TNFSF10: variants seen among roughly 807,000 people sequenced by gnomAD.
TNFSF10 encodes TNF superfamily member 10, also known as tumor necrosis factor ligand superfamily member 10.
In TNFSF10, 13 loss-of-function variants were observed where a neutral mutation model predicts 29.5. That is an observed-to-expected ratio of 0.44 (90% CI 0.29 to 0.70). The LOEUF (loss-of-function observed/expected upper bound fraction) is 0.70, where lower values mean the gene tolerates loss of function less well. Ranked by LOEUF, TNFSF10 falls within the 30% of genes least tolerant of loss-of-function variation. TNFSF10 has a pLI of 0.13. For missense variants in TNFSF10, 345 were observed against 330.9 expected (o/e 1.04, Z -0.33); for synonymous variants, 111 against 112.8 (o/e 0.98, Z 0.10).
intron 1 of TNFSF10, chr3:172,518,245 C>T: frequency 1.0e-5 from 12 of 1,144,372 alleles, no homozygotes; most frequent in Non-Finnish European, 1.3e-5. Context: ...GCACTGGGTG[C>T]CTGTTCTTCA....
chr3:172,517,236 A>T (rs231985), intron 1 of TNFSF10: 621,618 of 719,698 alleles, frequency 0.86, 269,117 homozygotes, highest in East Asian at 1. Context: ...GAGTTTGACA[A>T]GGATGGTCGT....
intron 4 of TNFSF10, chr3:172,507,517 A>C (rs1229552021): frequency 1.3e-5 from 2 of 152,242 alleles, no homozygotes; most frequent in Non-Finnish European, 1.5e-5. Context: ...CAGATCCTTG[A>C]ATCTTTCACA....
chr3:172,517,455 A>C (rs1043454541), intron 1 of TNFSF10: 1 of 984,372 alleles, frequency 1.0e-6, no homozygotes, highest in African/African-American at 1.8e-5. Context: ...GCCTGGATAC[A>C]TTCAGGATAC....
In TNFSF10 at chr3:172,523,272, A is replaced by G; in HGVS notation, c.113T>C (p.Phe38Ser). The G allele has an allele frequency of 3.1e-6, 5 of 1,613,866 alleles. No individual in the cohort carries two copies. The highest frequency in any genetic ancestry group is 4.2e-6 in the Non-Finnish European group (5 of 1,179,790). ...ACTGACCTGCTTCAGCTCGTTGGTA[A>G]AGTACACGTAAGTTACAGCCACACA... ...SLCVAVTYVY[F>S]TNELKQMQDK... Residue 38 changes from phenylalanine (F) to serine (S), a missense_variant, in exon 1 of 5, where the codon TTT becomes TCT. Transcript: ENST00000241261.
At chr3:172,521,699 T>C (rs146237342) in intron 1 of TNFSF10, among the ~76,000 whole-genome samples, 3 of 152,356 alleles carry the variant, frequency 2.0e-5, no homozygotes, top group African/African-American at 7.2e-5. Context: ...ACTGGGTATA[T>C]ACCCAAAGGA....
rs1131542 is a variant in TNFSF10 at position 172,506,136 on chromosome 3, T to G, written c.*356A>C. The G allele has an allele frequency of 0.69, 128,346 of 186,856 alleles. 44,728 individuals carry two copies. Among genetic ancestry groups the G allele is most frequent in the Middle Eastern group, 0.78 (315 of 404 alleles). The allele number at this position is 186,856 out of a possible 1,614,324, so 11.6% of individuals were successfully genotyped here. ...CACTACTTGAGAGATGGATTGTTGC[T>G]CTTTCTTCTACAGTCTTTACAAGGA... On this transcript the variant is annotated 3_prime_UTR_variant, in exon 5 of 5. Coordinates refer to ENST00000241261, the MANE Select transcript of TNFSF10 (RefSeq NM_003810.4).
chr3:172,509,028 T>C, intron 4 of TNFSF10, 189 bp downstream of exon 4: 1 of 399,964 alleles, frequency 2.5e-6, no homozygotes, highest in Non-Finnish European at 4.4e-6. Flanking sequence ...GCCAGTTATG[T>C]CGTGGCAATA....
rs1424286946 is a variant in TNFSF10 at position 172,510,468 on chromosome 3, T to C, written c.314-1147A>G. On this transcript the variant is annotated intron_variant, in intron 3 of 4. Transcript: ENST00000241261. ...GTTAAGGTCATTTCAAGGATATGGATAGGAAAGCCTAGATTTGAAAGCAAA... is the reference window on the plus strand; with the variant it reads ...GTTAAGGTCATTTCAAGGATATGGACAGGAAAGCCTAGATTTGAAAGCAAA... 2.0e-5 allele frequency among the ~76,000 whole-genome samples: 3 copies of C among 152,072 alleles called. No individual in the cohort carries two copies. In the East Asian group the frequency reaches 5.8e-4, roughly 29 times the overall value.
At chr3:172,516,286 G>C (rs1350707147) in intron 1 of TNFSF10, among the ~76,000 whole-genome samples, 1 of 151,046 alleles carries the variant, frequency 6.6e-6, no homozygotes. Context: ...AAAATCTGCT[G>C]AATTGACTAC....
chr3:172,519,697 G>A (rs1248396724), intron 1 of TNFSF10, among the ~76,000 whole-genome samples: 1 of 152,154 alleles, frequency 6.6e-6, no homozygotes, highest in Non-Finnish European at 1.5e-5. Context: ...TAAAACAAGA[G>A]TCTGCCTCAT....
At chr3:172,512,265 C>A (rs1474616699) in intron 2 of TNFSF10, among the ~76,000 whole-genome samples, 2 of 152,174 alleles carry the variant, frequency 1.3e-5, no homozygotes, top group Non-Finnish European at 2.9e-5. Context: ...TTACCATCTT[C>A]CCATATCTTT....
intron 3 of TNFSF10, chr3:172,511,320 C>A (rs541082190): frequency 1.0e-4 from 26 of 252,500 alleles, no homozygotes; most frequent in Middle Eastern, 2.7e-3. Flanking sequence ...CTTTGTAACA[C>A]ATTAGAAGGT....
intron 1 of TNFSF10, chr3:172,517,530 A>T: frequency 1.0e-6 from 1 of 985,364 alleles, no homozygotes; most frequent in Non-Finnish European, 1.2e-6. Flanking sequence ...AAAACCCTCC[A>T]AAAACTAAAT....
chr3:172,518,182 A>C, intron 1 of TNFSF10: 1 of 1,108,472 alleles, frequency 9.0e-7, no homozygotes, highest in Non-Finnish European at 1.1e-6. Context: ...TGGGGGCAGA[A>C]GGTAGCGTGT....
chr3:172,523,007 A>G (rs577357375), intron 1 of TNFSF10, among the ~76,000 whole-genome samples: 1 of 152,220 alleles, frequency 6.6e-6, no homozygotes, highest in African/African-American at 2.4e-5. Context: ...ATCCCTCAGG[A>G]GTTTTGTTGC....
chr3:172,521,361 A>T (rs1198271878), intron 1 of TNFSF10, among the ~76,000 whole-genome samples: 1 of 152,248 alleles, frequency 6.6e-6, no homozygotes, highest in Non-Finnish European at 1.5e-5. Flanking sequence ...ACAAATTGAC[A>T]AGAAAAAAAC....
intron 3 of TNFSF10, among the ~76,000 whole-genome samples, chr3:172,509,745 T>G (rs1713144278): frequency 6.6e-6 from 1 of 151,546 alleles, no homozygotes; most frequent in African/African-American, 2.4e-5. Context: ...ATAAACAGAG[T>G]GGTACCAACA....
Position 172,514,901 on chromosome 3 carries a change from C to A in TNFSF10, c.230G>T (p.Cys77Phe). The A allele has an allele frequency of 1.9e-6, 3 of 1,614,178 alleles. No homozygotes were observed. Among genetic ancestry groups the A allele is most frequent in the Non-Finnish European group, 2.5e-6 (3 of 1,180,008 alleles). Reference protein sequence around the residue: ...PNDEESMNSPCWQVKWQLRQL... With the variant: ...PNDEESMNSPFWQVKWQLRQL... ...ACGGAGTTGCCACTTGACTTGCCAG[C>A]AGGGGCTGTTCATACTCTCTTCGTC... The change falls in exon 2 of 5, where the codon TGC (cysteine) becomes TTC (phenylalanine). Residue 77 changes from cysteine (C) to phenylalanine (F), a missense_variant. Cys to Phe is a radical substitution (Grantham distance 205, BLOSUM62 -2). Coordinates refer to ENST00000241261, the MANE Select transcript of TNFSF10 (RefSeq NM_003810.4).
At chr3:172,518,506 G>A in intron 1 of TNFSF10, 1 of 1,273,848 alleles carries the variant, frequency 7.9e-7, no homozygotes, top group Non-Finnish European at 1.0e-6. Context: ...GATCCGTGGA[G>A]AGGAAGCCCT....
Sources: gnomAD v4.1 joint callset for allele counts (sites outside exome capture counted in the v4.1 genomes callset) on GRCh38, gnomAD v4.1.1 for gene constraint, MANE v1.5 for transcripts, NCBI Gene and HGNC (gene_info 2026-07-23, HGNC 2026-07-21) for gene names.